The following SEMA5A variants were observed in gnomAD, a reference collection of about 807,000 sequenced individuals.
SEMA5A encodes the protein semaphorin-5A.
SEMA5A carries 55 observed loss-of-function variants against 135.5 expected under a neutral mutation model. That is an observed-to-expected ratio of 0.41 (90% confidence interval 0.33 to 0.51). SEMA5A has a LOEUF of 0.51. Ranked by LOEUF, SEMA5A falls within the 20% of genes least tolerant of loss-of-function variation. The pLI is 0.37. For missense variants in SEMA5A, 1,290 were observed against 1,419.9 expected (o/e 0.91, Z 1.47); for synonymous variants, 580 against 546.5 (o/e 1.06, Z -0.85).
intron 5 of SEMA5A, among the ~76,000 whole-genome samples, chr5:9,288,539 G>C (rs1354952929): frequency 6.6e-6 from 1 of 152,222 alleles, no homozygotes; most frequent in African/African-American, 2.4e-5. Context: ...GACGCTGGGA[G>C]GGGCAAGAGA....
intron 2 of SEMA5A, among the ~76,000 whole-genome samples, chr5:9,394,336 G>T (rs903171780): frequency 1.3e-5 from 2 of 152,134 alleles, no homozygotes; most frequent in African/African-American, 4.8e-5. Context: ...CATTTACCAT[G>T]TGAGAAGCAA....
At chr5:9,111,580 G>T (rs1015036139) in intron 15 of SEMA5A, among the ~76,000 whole-genome samples, 3 of 152,108 alleles carry the variant, frequency 2.0e-5, no homozygotes, top group Non-Finnish European at 4.4e-5. Flanking sequence ...AACCTGCCTT[G>T]TTTTTTTCTC....
intron 11 of SEMA5A, among the ~76,000 whole-genome samples, chr5:9,174,262 C>G (rs1181539430): frequency 2.0e-5 from 3 of 152,154 alleles, no homozygotes; most frequent in Non-Finnish European, 4.4e-5. Context: ...AGATTTGAGG[C>G]GAGTTTTTTT....
intron 1 of SEMA5A, among the ~76,000 whole-genome samples, chr5:9,473,589 A>G (rs1759560752): frequency 1.3e-5 from 2 of 151,672 alleles, no homozygotes; most frequent in African/African-American, 4.8e-5. Flanking sequence ...GAGAGGAATA[A>G]GGAAGGAGAG....
chr5:9,455,461 T>G (rs1758799462), intron 1 of SEMA5A, among the ~76,000 whole-genome samples: 1 of 152,000 alleles, frequency 6.6e-6, no homozygotes, highest in Non-Finnish European at 1.5e-5. Context: ...TTTCACCATG[T>G]TAGCAAGGAC....
At chr5:9,275,387 T>A (rs935099814) in intron 5 of SEMA5A, among the ~76,000 whole-genome samples, 1 of 152,078 alleles carries the variant, frequency 6.6e-6, no homozygotes, top group Non-Finnish European at 1.5e-5. Flanking sequence ...ACTCCCAGCC[T>A]AATTATACCA....
At chr5:9,193,007 C>T (rs775281453) in intron 10 of SEMA5A, among the ~76,000 whole-genome samples, 10 of 152,010 alleles carry the variant, frequency 6.6e-5, no homozygotes, top group South Asian at 4.2e-4. Flanking sequence ...TCACTCGCTA[C>T]GCCTTGTCAT....
intron 2 of SEMA5A, among the ~76,000 whole-genome samples, chr5:9,412,656 G>A (rs1317573955): frequency 1.4e-5 from 2 of 146,644 alleles, no homozygotes; most frequent in Non-Finnish European, 1.5e-5. Flanking sequence ...CGTGGGGATA[G>A]AACCCAAGTC....
chr5:9,459,246 C>G (rs1286067632), intron 1 of SEMA5A, among the ~76,000 whole-genome samples: 1 of 152,172 alleles, frequency 6.6e-6, no homozygotes, highest in Non-Finnish European at 1.5e-5. Flanking sequence ...CCTGTTCACA[C>G]TCCTGCATGA....
At chr5:9,074,078 C>A (rs1737913730) in intron 16 of SEMA5A, among the ~76,000 whole-genome samples, 1 of 152,048 alleles carries the variant, frequency 6.6e-6, no homozygotes, top group Non-Finnish European at 1.5e-5. Context: ...GGAAGACATA[C>A]TTTCTAACTT....
At chr5:9,284,610 T>A (rs1371089119) in intron 5 of SEMA5A, among the ~76,000 whole-genome samples, 2 of 152,172 alleles carry the variant, frequency 1.3e-5, no homozygotes, top group East Asian at 3.9e-4. Flanking sequence ...AGTGATGGTA[T>A]TTTTCCCTTT....
chr5:9,541,504 G>GT (rs569922807), intron 1 of SEMA5A, among the ~76,000 whole-genome samples: 17 of 151,898 alleles, frequency 1.1e-4, no homozygotes, highest in Middle Eastern at 3.4e-3. Context: ...TTTTAAAATA[G>GT]TTTTTTTTCC....
intron 8 of SEMA5A, among the ~76,000 whole-genome samples, chr5:9,206,957 A>G (rs71583592): frequency 0.031 from 4,625 of 147,776 alleles, 102 homozygotes; most frequent in Middle Eastern, 0.11. Context: ...CATCGTGTAC[A>G]GGCATTTTCC....
chr5:9,132,015 G>T (rs1741463348), intron 13 of SEMA5A, among the ~76,000 whole-genome samples: 3 of 152,142 alleles, frequency 2.0e-5, no homozygotes, highest in Admixed American at 2.0e-4. Flanking sequence ...AATCAGTCTA[G>T]ATATGCCAAT....
chr5:9,448,808 C>T (rs991063859), intron 1 of SEMA5A, among the ~76,000 whole-genome samples: 5 of 152,166 alleles, frequency 3.3e-5, no homozygotes, highest in Non-Finnish European at 7.3e-5. Flanking sequence ...CCTCTGTGAC[C>T]GTGACATGTG....
chr5:9,197,276 GCA>G lies in SEMA5A; in HGVS notation c.958_959del (p.Cys320ArgfsTer64). ...NVNSIAASAV[C>X]VFNLSAIAQA... ...GCGCGATGGCGCTCAGGTTGAAGAC[GCA>G]CACAGCTGAGGCCGCAATGCTGTTC... On this transcript the variant is annotated frameshift_variant, in exon 10 of 23. Transcript: ENST00000382496. LOFTEE classifies it high-confidence loss of function. 6.2e-7 allele frequency: 1 copy of G among 1,613,916 alleles called. No individual in the cohort carries two copies. The highest frequency in any genetic ancestry group is 8.5e-7 in the Non-Finnish European group (1 of 1,179,990).
chr5:9,225,560 C>T, intron 7 of SEMA5A, among the ~76,000 whole-genome samples: 1 of 125,734 alleles, frequency 8.0e-6, no homozygotes, highest in Admixed American at 8.3e-5. Flanking sequence ...CAGAGCGAGA[C>T]TCTGTCTCAA....
chr5:9,301,999 C>T (rs935666185), intron 5 of SEMA5A, among the ~76,000 whole-genome samples: 1 of 152,054 alleles, frequency 6.6e-6, no homozygotes, highest in Non-Finnish European at 1.5e-5. Context: ...TGAGTGGCTG[C>T]CAGCTTTCCT....
chr5:9,127,662 A>AT (rs1328562878), intron 13 of SEMA5A, among the ~76,000 whole-genome samples: 3 of 151,998 alleles, frequency 2.0e-5, no homozygotes, highest in Non-Finnish European at 4.4e-5. Flanking sequence ...TGCATTTGTG[A>AT]TTTTTTTGAA....
Sources: gnomAD v4.1 joint callset for allele counts (sites outside exome capture counted in the v4.1 genomes callset) on GRCh38, gnomAD v4.1.1 for gene constraint, MANE v1.5 for transcripts, NCBI Gene and HGNC (gene_info 2026-07-23, HGNC 2026-07-21) for gene names.